The following NRIP3 variants were observed in gnomAD, a reference collection of about 807,000 sequenced individuals.
The protein encoded by NRIP3 is nuclear receptor interacting protein 3.
Under a neutral mutation model 29.0 loss-of-function variants are expected in NRIP3, and 31 were observed. That is an observed-to-expected ratio of 1.07 (90% CI 0.80 to 1.44). The LOEUF is 1.44. NRIP3 is among the 40% of genes most tolerant of loss of function. The pLI is 0.00. For missense variants in NRIP3, 314 were observed against 297.9 expected (o/e 1.05, Z -0.40); for synonymous variants, 131 against 118.3 (o/e 1.11, Z -0.70).
upstream of NRIP3, chr11:9,004,012 CCCCGAGCCGCGCCT>C: frequency 3.8e-6 from 5 of 1,324,096 alleles, no homozygotes; most frequent in Non-Finnish European, 4.9e-6. Context: ...GCCGCAAGGG[CCCCGAGCCGCGCCT>C]TTTATAGCCG....
chr11:8,989,787 A>G (rs1854569134), intron 1 of NRIP3, among the ~76,000 whole-genome samples: 1 of 152,134 alleles, frequency 6.6e-6, no homozygotes, highest in South Asian at 2.1e-4. Flanking sequence ...CTCTCTCACC[A>G]ATAAGAATGG....
At chr11:9,000,012 A>C (rs1354032652) in intron 1 of NRIP3, among the ~76,000 whole-genome samples, 1 of 152,234 alleles carries the variant, frequency 6.6e-6, no homozygotes, top group East Asian at 1.9e-4. Flanking sequence ...AGTTCCGTCA[A>C]GGCAGGAACT....
intron 4 of NRIP3, 26 bp from the exon 5 acceptor site, chr11:8,984,150 G>C (rs371438732): frequency 2.0e-4 from 309 of 1,545,150 alleles, no homozygotes; most frequent in Non-Finnish European, 2.7e-4. Flanking sequence ...AAATGATTAA[G>C]ATTTAGCCAT....
chr11:8,996,127 C>T (rs951700636), intron 1 of NRIP3, among the ~76,000 whole-genome samples: 1 of 152,058 alleles, frequency 6.6e-6, no homozygotes, highest in Non-Finnish European at 1.5e-5. Flanking sequence ...TGTGTATTTA[C>T]TTGTTTATAT....
intron 1 of NRIP3, among the ~76,000 whole-genome samples, chr11:8,991,348 C>G (rs1021851564): frequency 5.3e-5 from 8 of 152,146 alleles, no homozygotes; most frequent in African/African-American, 1.7e-4. Flanking sequence ...TCTTTTCATT[C>G]TCTTTGATAA....
intron 1 of NRIP3, among the ~76,000 whole-genome samples, chr11:9,000,244 C>T (rs1344931004): frequency 2.0e-5 from 3 of 152,102 alleles, no homozygotes; most frequent in African/African-American, 4.8e-5. Context: ...TTTGCTATTA[C>T]GAGGATGCAA....
In NRIP3 at chr11:8,985,815, C is replaced by G; in HGVS notation, c.458G>C (p.Gly153Ala). 6.2e-7 allele frequency: 1 copy of G among 1,614,100 alleles called. No individual in the cohort carries two copies. Among genetic ancestry groups the G allele is most frequent in the South Asian group, 1.1e-5 (1 of 91,076 alleles). The change falls in exon 4 of 7, where the codon GGA becomes GCA. Residue 153 changes from glycine to alanine, a missense_variant. By Grantham distance (60) the Gly-to-Ala change is moderately conservative. Transcript: ENST00000309166. ...ATGCCGGGGTAGAGAAAGCTTTTCT[C>G]CTTCATGCTTGTGGGATTTGACATG... ...KEHVKSHKHEGEKLSLPRHLK... is the reference protein window; with the variant it reads ...KEHVKSHKHEAEKLSLPRHLK...
intron 1 of NRIP3, among the ~76,000 whole-genome samples, chr11:8,989,639 G>C (rs1375565873): frequency 2.0e-5 from 3 of 152,240 alleles, no homozygotes; most frequent in Non-Finnish European, 4.4e-5. Context: ...AAAGTGGAGG[G>C]AGAGGCACTT....
intron 1 of NRIP3, among the ~76,000 whole-genome samples, chr11:8,990,200 T>G (rs1274893146): frequency 2.0e-5 from 3 of 152,052 alleles, no homozygotes; most frequent in Non-Finnish European, 4.4e-5. Flanking sequence ...GCCTTTACTC[T>G]ACAGCCTCCT....
Position 8,983,314 on chromosome 11 carries a change from A to AT in NRIP3, c.*230dup. The AT allele has an allele frequency of 1.7e-6, 1 of 581,550 alleles. No individual in the cohort carries two copies. Among genetic ancestry groups the AT allele is most frequent in the Non-Finnish European group, 3.1e-6 (1 of 325,350 alleles). 36.0% of individuals were successfully genotyped at this position (581,550 alleles called of 1,614,324 possible). A position where few individuals can be genotyped will look rare whatever the true frequency, so the allele number is the denominator to read the frequency against. ...AGACTGGCAGTGTCAAAAAAGGTCT[A>AT]TAAGTTAAGTGATCAAAGTAGTAAA... On this transcript the variant is annotated 3_prime_UTR_variant, in exon 7 of 7. Coordinates refer to ENST00000309166, the MANE Select transcript of NRIP3 (RefSeq NM_020645.3).
chr11:8,996,944 T>C (rs778446275), intron 1 of NRIP3, among the ~76,000 whole-genome samples: 7 of 152,180 alleles, frequency 4.6e-5, no homozygotes, highest in Non-Finnish European at 1.0e-4. Context: ...CTGGGCATGA[T>C]GGCACACGCC....
chr11:9,000,842 G>A (rs1446369370), intron 1 of NRIP3, among the ~76,000 whole-genome samples: 1 of 152,146 alleles, frequency 6.6e-6, no homozygotes, highest in African/African-American at 2.4e-5. Flanking sequence ...GCTAAAGTGG[G>A]CAGATCGCTT....
chr11:8,990,621 A>C (rs1487330448), intron 1 of NRIP3, among the ~76,000 whole-genome samples: 1 of 152,098 alleles, frequency 6.6e-6, no homozygotes, highest in African/African-American at 2.4e-5. Flanking sequence ...CCCTGTCTCT[A>C]CTAAAAGAAA....
At chr11:8,999,838 C>T (rs1025557063) in intron 1 of NRIP3, among the ~76,000 whole-genome samples, 7 of 152,178 alleles carry the variant, frequency 4.6e-5, no homozygotes, top group African/African-American at 1.4e-4. Flanking sequence ...TAGGCCTTGC[C>T]GGACAACCCT....
intron 1 of NRIP3, among the ~76,000 whole-genome samples, chr11:8,991,778 T>C (rs1472735628): frequency 6.6e-6 from 1 of 152,248 alleles, no homozygotes; most frequent in Non-Finnish European, 1.5e-5. Flanking sequence ...ACCTAGACTG[T>C]TTCCTAGCCC....
At chr11:8,996,815 G>T (rs1055502788) in intron 1 of NRIP3, among the ~76,000 whole-genome samples, 1 of 152,212 alleles carries the variant, frequency 6.6e-6, no homozygotes, top group African/African-American at 2.4e-5. Flanking sequence ...AGCACTTTGG[G>T]AGGCTGAGGC....
chr11:8,983,706 C>T (rs981767144), intron 6 of NRIP3, 146 bp from the exon 7 acceptor site: 1 of 897,528 alleles, frequency 1.1e-6, no homozygotes. Context: ...GTGTGCACTA[C>T]AGAGTTTTGT....
chr11:8,995,746 T>C (rs1450467357), intron 1 of NRIP3, among the ~76,000 whole-genome samples: 1 of 152,196 alleles, frequency 6.6e-6, no homozygotes, highest in East Asian at 1.9e-4. Flanking sequence ...CTTCCCATTG[T>C]TCTTCAGAAA....
At position 9,003,751 on chromosome 11, in the gene NRIP3, C is replaced by T. The variant is rs1781896260; in HGVS notation, c.174+11G>A. On this transcript the variant is annotated intron_variant, in intron 1 of 6. Transcript: ENST00000309166. Reference sequence around the variant, plus strand: ...GCCGGGGCCGGGGCGAGAACGGCGGCGGGGGCTCACCATGTCCTTGGACGA... The same window carrying T: ...GCCGGGGCCGGGGCGAGAACGGCGGTGGGGGCTCACCATGTCCTTGGACGA... 3 of 1,399,742 alleles carry T rather than the reference C, an allele frequency of 2.1e-6. No homozygotes were observed. The highest frequency in any genetic ancestry group is 1.5e-5 in the African/African-American group (1 of 66,292). The allele number at this position is 1,399,742 out of a possible 1,614,324, so 86.7% of individuals were successfully genotyped here.
Sources: gnomAD v4.1 joint callset for allele counts (sites outside exome capture counted in the v4.1 genomes callset) on GRCh38, gnomAD v4.1.1 for gene constraint, MANE v1.5 for transcripts, NCBI Gene and HGNC (gene_info 2026-07-23, HGNC 2026-07-21) for gene names.